The following ABCB8 variants were observed in gnomAD, a reference collection of about 807,000 sequenced individuals.
The protein encoded by ABCB8 is mitochondrial potassium channel ATP-binding subunit.
In ABCB8, 52 loss-of-function variants were observed where a neutral mutation model predicts 73.0. The observed-to-expected ratio is 0.71, with a 90% confidence interval of 0.57 to 0.90. ABCB8 has a LOEUF of 0.90. Among genes scored for constraint, ABCB8 ranks in the 40% least tolerant of loss-of-function variants. The pLI, the probability that ABCB8 is intolerant of heterozygous loss-of-function variation, is 0.00. For missense variants in ABCB8, 909 were observed against 974.6 expected, an observed-to-expected ratio of 0.93 and a Z score of 0.90; for synonymous variants, 428 against 423.5, an observed-to-expected ratio of 1.01 and a Z score of -0.13.
chr7:151,044,256 A>C (rs1201793371), intron 15 of ABCB8, 35 bp downstream of exon 15: 3 of 1,584,246 alleles, frequency 1.9e-6, no homozygotes, highest in Admixed American at 3.4e-5. Context: ...CAGTGGGTTG[A>C]GGATGGCTTC....
intron 14 of ABCB8, among the ~76,000 whole-genome samples, chr7:151,042,440 TCTAAAAGGCCG>T (rs1392700193): frequency 6.6e-6 from 1 of 151,948 alleles, no homozygotes; most frequent in Non-Finnish European, 1.5e-5. Context: ...CCTCACCGAG[TCTAAAAGGCCG>T]CCACTTCCCC....
In ABCB8 at chr7:151,042,083, C is replaced by T. The variant is rs1187623672; in HGVS notation, c.1740C>T (p.Phe580=). The T allele has an allele frequency of 6.2e-7, 1 of 1,613,078 alleles. No individual in the cohort carries two copies. The highest frequency in any genetic ancestry group is 1.3e-5 in the African/African-American group (1 of 74,942). The stretch of plus-strand genomic sequence containing the variant: ...ATGCTCACGAGTTCATCACCAGCTT[C>T]CCCGAGGGCTACAACACGGTCGTCG... ...EANAHEFITS[F]PEGYNTVVGE... The change falls in exon 14 of 16, where the codon TTC becomes TTT. Residue 580 remains phenylalanine (F), a synonymous_variant. Coordinates refer to ENST00000358849, the MANE Select transcript of ABCB8 (RefSeq NM_007188.5).
chr7:151,041,253 C>A, intron 13 of ABCB8, 21 bp downstream of exon 13: 1 of 1,584,624 alleles, frequency 6.3e-7, no homozygotes, highest in Non-Finnish European at 8.5e-7. Flanking sequence ...ACATGGGCAG[C>A]CCTTGGCTCC....
At chr7:151,031,526 GTAAGCTTATCTAGATCTTCTA>G (rs1563285171) in intron 1 of ABCB8, 4 of 453,774 alleles carry the variant, frequency 8.8e-6, no homozygotes, top group Non-Finnish European at 1.2e-5. Flanking sequence ...TTCCCCATCA[GTAAGCTTATCTAGATCTTCTA>G]GATCTCACCA....
At chr7:151,045,186 C>T (rs766118882) in intron 15 of ABCB8, 23 bp from the exon 16 acceptor site, 8 of 1,524,512 alleles carry the variant, frequency 5.2e-6, no homozygotes, top group African/African-American at 2.8e-5. Flanking sequence ...AGCAACCATC[C>T]GCCCTTCCCT....
intron 14 of ABCB8, among the ~76,000 whole-genome samples, chr7:151,042,918 C>T (rs1158727196): frequency 6.6e-6 from 1 of 152,256 alleles, no homozygotes; most frequent in Non-Finnish European, 1.5e-5. Context: ...TGCTCTCCCA[C>T]ATCTCTTTTG....
chr7:151,035,295 T>C (rs1796272564), intron 5 of ABCB8, among the ~76,000 whole-genome samples: 1 of 152,210 alleles, frequency 6.6e-6, no homozygotes, highest in Non-Finnish European at 1.5e-5. Flanking sequence ...CAGTTCTCTT[T>C]GTTCAGTTCC....
At chr7:151,037,970 G>A (rs573221373) in intron 9 of ABCB8, 3 of 155,526 alleles carry the variant, frequency 1.9e-5, no homozygotes, top group South Asian at 2.0e-4. Context: ...TGGCAGCCTC[G>A]CCCTCCTCCA....
chr7:151,037,032 G>A (rs1563294800), intron 9 of ABCB8: 1 of 686,408 alleles, frequency 1.5e-6, no homozygotes, highest in Non-Finnish European at 2.7e-6. Flanking sequence ...CTGTGCGGCT[G>A]TTGTCACCGT....
intron 11 of ABCB8, 36 bp from the exon 12 acceptor site, chr7:151,040,792 G>T: frequency 6.3e-7 from 1 of 1,588,610 alleles, no homozygotes; most frequent in Non-Finnish European, 8.6e-7. Flanking sequence ...AGGGCTGGGA[G>T]CCTGGTCTGA....
chr7:151,036,739 G>C, intron 9 of ABCB8, 90 bp downstream of exon 9: 1 of 1,123,298 alleles, frequency 8.9e-7, no homozygotes, highest in South Asian at 1.3e-5. Flanking sequence ...AGCCTTCTCT[G>C]GGGGCCGACT....
At chr7:151,041,004 G>A (rs1563301196) in intron 12 of ABCB8, 82 bp downstream of exon 12, 52 of 1,608,506 alleles carry the variant, frequency 3.2e-5, no homozygotes, top group Non-Finnish European at 4.2e-5. Flanking sequence ...GTGAGCCCCC[G>A]GTGGGGTCCC....
rs112683520 is a variant in ABCB8 at position 151,037,437 on chromosome 7, G to A, written c.1217+788G>A. On this transcript the variant is annotated intron_variant, in intron 9 of 15. Transcript: ENST00000358849. ...GCTTTGCGTTGGTCCAAAACCACCC[G>A]CTCAGCTGAGCCTCTGGGATGACCA... 1.2e-3 allele frequency: 786 copies of A among 662,352 alleles called. 5 individuals are homozygous for A. The highest frequency in any genetic ancestry group is 0.012 in the African/African-American group (664 of 56,822). 41.0% of individuals were successfully genotyped at this position (662,352 alleles called of 1,614,324 possible).
Position 151,033,875 on chromosome 7 carries a change from GT to G in ABCB8, c.369del (p.Leu124CysfsTer10). The G allele has an allele frequency of 6.2e-7, 1 of 1,610,926 alleles. No individual in the cohort carries two copies. The highest frequency in any genetic ancestry group is 8.5e-7 in the Non-Finnish European group (1 of 1,178,060). ...SRFNWKLFWQ[F>X]LHPHLLVLGV... Reference sequence around the variant, plus strand: ...GCTTTAACTGGAAGCTCTTCTGGCAGTTTCTGCACCCCCACCTGCTGGTCCT... The same window carrying G: ...GCTTTAACTGGAAGCTCTTCTGGCAGTTCTGCACCCCCACCTGCTGGTCCT... On this transcript the variant is annotated frameshift_variant, in exon 2 of 16. Transcript: ENST00000358849. LOFTEE classifies it high-confidence loss of function.
Position 151,042,054 on chromosome 7 carries a change from G to A in ABCB8, c.1711G>A (p.Ala571Thr), listed in dbSNP as rs1796482079. 4.3e-6 allele frequency: 7 copies of A among 1,613,100 alleles called. No homozygotes were observed. Among genetic ancestry groups the A allele is most frequent in the African/African-American group, 4.0e-5 (3 of 74,940 alleles). ...DEEVYTAARE[A>T]NAHEFITSFP... The stretch of plus-strand genomic sequence containing the variant: ...AGAGGTGTACACAGCCGCCCGGGAA[G>A]CGAATGCTCACGAGTTCATCACCAG... Residue 571 changes from alanine (A) to threonine (T), a missense_variant, in exon 14 of 16, where the codon GCG becomes ACG. By Grantham distance (58) the Ala-to-Thr change is moderately conservative. Transcript: ENST00000358849.
chr7:151,040,818 C>A lies in ABCB8; in HGVS notation c.1389-10C>A. On this transcript the variant is annotated splice_polypyrimidine_tract_variant and intron_variant, in intron 11 of 15. Coordinates refer to ENST00000358849, the MANE Select transcript of ABCB8 (RefSeq NM_007188.5). Reference sequence around the variant, plus strand: ...CCTGGTCTGACTGGGGGTCTCTCGGCTCCTCCCAGCTACCCCTGCCGCCCC... The same window carrying A: ...CCTGGTCTGACTGGGGGTCTCTCGGATCCTCCCAGCTACCCCTGCCGCCCC... The A allele has an allele frequency of 6.3e-7, 1 of 1,587,182 alleles. No individual in the cohort carries two copies. The highest frequency in any genetic ancestry group is 8.6e-7 in the Non-Finnish European group (1 of 1,167,014).
At chr7:151,040,032 GC>G in intron 9 of ABCB8, 1 of 531,160 alleles carries the variant, frequency 1.9e-6, no homozygotes, top group Non-Finnish European at 3.3e-6. Flanking sequence ...CCTCCCAGGG[GC>G]TTGGGCTGAG....
intron 9 of ABCB8, chr7:151,037,687 C>T: frequency 5.8e-6 from 2 of 343,488 alleles, no homozygotes; most frequent in Non-Finnish European, 5.6e-6. Context: ...GCCCCCACCC[C>T]ATTCTACTGA....
At chr7:151,037,448 C>T in intron 9 of ABCB8, 1 of 656,534 alleles carries the variant, frequency 1.5e-6, no homozygotes, top group South Asian at 1.7e-5. Flanking sequence ...CTCAGCTGAG[C>T]CTCTGGGATG....
Sources: allele counts gnomAD v4.1 joint callset (sites outside exome capture counted in the v4.1 genomes callset), GRCh38; gene constraint gnomAD v4.1.1; transcripts MANE v1.5; gene names NCBI Gene and HGNC (gene_info 2026-07-23, HGNC 2026-07-21).